Variants in DSCAM observed in about 807,000 individuals in gnomAD.
The protein encoded by DSCAM is cell adhesion molecule DSCAM.
In DSCAM, 47 loss-of-function variants were observed where a neutral mutation model predicts 217.7. The ratio of observed to expected loss-of-function variants is 0.22; its 90% CI spans 0.17 to 0.28. The LOEUF (loss-of-function observed/expected upper bound fraction) is 0.28, where lower values mean the gene tolerates loss of function less well. Among genes scored for constraint, DSCAM ranks in the 10% least tolerant of loss-of-function variants. The pLI, the probability that DSCAM is intolerant of heterozygous loss-of-function variation, is 1.00. For synonymous variants in DSCAM, 1,056 were observed against 1,015.3 expected, an observed-to-expected ratio of 1.04 and a Z score of -0.76; for missense variants, 2,080 against 2,618.3, an observed-to-expected ratio of 0.79 and a Z score of 4.49.
chr21:40,291,764 G>A (rs988030774), intron 10 of DSCAM, among the ~76,000 whole-genome samples: 15 of 152,074 alleles, frequency 9.9e-5, no homozygotes, highest in Admixed American at 3.3e-4. Context: ...GTCCTCCAGC[G>A]TCACCCCCCA....
intron 18 of DSCAM, among the ~76,000 whole-genome samples, chr21:40,141,174 C>T (rs573865700): frequency 6.6e-6 from 1 of 152,320 alleles, no homozygotes; most frequent in East Asian, 1.9e-4. Context: ...ACCTGTGGAG[C>T]CCTATGTTTA....
At chr21:40,055,651 C>A in intron 29 of DSCAM, 74 bp downstream of exon 29, 1 of 1,110,232 alleles carries the variant, frequency 9.0e-7, no homozygotes, top group Non-Finnish European at 1.4e-6. Flanking sequence ...ATATTTCCCA[C>A]ATCCTGGGGT....
intron 1 of DSCAM, among the ~76,000 whole-genome samples, chr21:40,836,281 T>C (rs1460666542): frequency 1.3e-5 from 2 of 152,132 alleles, no homozygotes; most frequent in Non-Finnish European, 2.9e-5. Context: ...ATGTGAGAAA[T>C]ACAATGGAAT....
chr21:40,255,906 G>T (rs909742376), intron 11 of DSCAM, among the ~76,000 whole-genome samples: 25 of 152,200 alleles, frequency 1.6e-4, no homozygotes, highest in African/African-American at 5.8e-4. Flanking sequence ...CCTCCAGTAA[G>T]AGGAGCACAG....
At chr21:40,148,110 C>CTATTTTTCTTAA (rs1338760292) in intron 16 of DSCAM, among the ~76,000 whole-genome samples, 1 of 152,106 alleles carries the variant, frequency 6.6e-6, no homozygotes, top group Non-Finnish European at 1.5e-5. Context: ...GAGCTCTCCT[C>CTATTTTTCTTAA]TATTTTTCTT....
At chr21:40,599,599 T>G (rs2077047314) in intron 3 of DSCAM, among the ~76,000 whole-genome samples, 1 of 146,866 alleles carries the variant, frequency 6.8e-6, no homozygotes, top group Non-Finnish European at 1.5e-5. Context: ...AAACAATAAA[T>G]AACTAAGATC....
intron 1 of DSCAM, among the ~76,000 whole-genome samples, chr21:40,764,341 A>T (rs1182610647): frequency 2.0e-5 from 3 of 149,768 alleles, no homozygotes; most frequent in Admixed American, 1.3e-4. Flanking sequence ...AAAAAAAAAA[A>T]TGAAAAAAAG....
chr21:40,032,301 T>C (rs2088541504), intron 32 of DSCAM, among the ~76,000 whole-genome samples: 1 of 152,134 alleles, frequency 6.6e-6, no homozygotes, highest in Admixed American at 6.5e-5. Context: ...AGGGAAGATT[T>C]TCCAATCCGT....
intron 2 of DSCAM, among the ~76,000 whole-genome samples, chr21:40,707,510 G>A (rs376804181): frequency 1.1e-4 from 16 of 152,262 alleles, no homozygotes; most frequent in African/African-American, 3.9e-4. Context: ...GAGATCATAT[G>A]CAGGAATTCA....
chr21:40,564,986 G>T (rs1601748889), intron 3 of DSCAM, among the ~76,000 whole-genome samples: 1 of 152,140 alleles, frequency 6.6e-6, no homozygotes, highest in African/African-American at 2.4e-5. Context: ...TGGAGGGGAG[G>T]ATACTGCTCC....
intron 26 of DSCAM, among the ~76,000 whole-genome samples, chr21:40,077,135 T>C (rs2089377065): frequency 6.6e-6 from 1 of 152,128 alleles, no homozygotes; most frequent in South Asian, 2.1e-4. Context: ...AAAGTTGTCG[T>C]CTGGGAGGGC....
At chr21:40,683,842 A>C (rs2146431210) in intron 3 of DSCAM, among the ~76,000 whole-genome samples, 1 of 152,302 alleles carries the variant, frequency 6.6e-6, no homozygotes, top group Admixed American at 6.5e-5. Context: ...GGGGTGCTCC[A>C]GGATGCTGAG....
At chr21:40,145,131 C>T (rs1321740274) in intron 16 of DSCAM, among the ~76,000 whole-genome samples, 3 of 152,162 alleles carry the variant, frequency 2.0e-5, no homozygotes, top group Non-Finnish European at 2.9e-5. Context: ...TGTGGCGTCT[C>T]CAGGTACGCT....
intron 11 of DSCAM, among the ~76,000 whole-genome samples, chr21:40,259,247 G>A (rs1461360423): frequency 3.3e-5 from 5 of 150,594 alleles, no homozygotes; most frequent in Admixed American, 6.6e-5. Context: ...CACCTCCCTC[G>A]AAGGATCTGA....
At chr21:40,544,520 C>G (rs1396406367) in intron 3 of DSCAM, among the ~76,000 whole-genome samples, 2 of 151,972 alleles carry the variant, frequency 1.3e-5, no homozygotes, top group African/African-American at 4.8e-5. Context: ...AGAAGAACCC[C>G]CTGCGAAGAT....
At chr21:40,181,578 G>A (rs979321132) in intron 14 of DSCAM, among the ~76,000 whole-genome samples, 21 of 152,022 alleles carry the variant, frequency 1.4e-4, no homozygotes, top group Non-Finnish European at 2.5e-4. Context: ...ATTTGGCCTC[G>A]CCTGTGTTAT....
intron 3 of DSCAM, among the ~76,000 whole-genome samples, chr21:40,498,646 AGTG>A (rs1264635473): frequency 1.9e-5 from 2 of 106,558 alleles, no homozygotes; most frequent in Non-Finnish European, 4.1e-5. Flanking sequence ...ATATATATAT[AGTG>A]TGTGTGTATA....
At chr21:40,188,444 C>G (rs2090919422) in intron 12 of DSCAM, among the ~76,000 whole-genome samples, 2 of 152,106 alleles carry the variant, frequency 1.3e-5, no homozygotes, top group Admixed American at 1.3e-4. Flanking sequence ...TAGGAGGATT[C>G]CAGGAATGGA....
intron 2 of DSCAM, among the ~76,000 whole-genome samples, chr21:40,704,860 G>T (rs1280489218): frequency 6.6e-6 from 1 of 152,190 alleles, no homozygotes; most frequent in East Asian, 1.9e-4. Context: ...ATAAGTGAGG[G>T]TTTATAGCCA....
Sources: gnomAD v4.1 joint callset for allele counts (sites outside exome capture counted in the v4.1 genomes callset) on GRCh38, gnomAD v4.1.1 for gene constraint, MANE v1.5 for transcripts, NCBI Gene and HGNC (gene_info 2026-07-23, HGNC 2026-07-21) for gene names.